TMEM232: variants seen among roughly 807,000 people sequenced by gnomAD.
The protein encoded by TMEM232 is transmembrane protein 232.
Under a neutral mutation model 78.8 loss-of-function variants are expected in TMEM232, and 80 were observed. The observed-to-expected ratio is 1.01, with a 90% CI of 0.85 to 1.22. The LOEUF (loss-of-function observed/expected upper bound fraction) is 1.22. Among genes scored for constraint, TMEM232 ranks in the 50% most tolerant of loss-of-function variants. The pLI is 0.00. For synonymous variants in TMEM232, 297 were observed against 254.3 expected (o/e 1.17, Z -1.60); for missense variants, 881 against 742.2 (o/e 1.19, Z -2.17).
chr5:110,446,867 G>C (rs1759703172), intron 12 of TMEM232, among the ~76,000 whole-genome samples: 1 of 151,810 alleles, frequency 6.6e-6, no homozygotes, highest in African/African-American at 2.4e-5. Context: ...TTTAAATATG[G>C]TTAAGGATCC....
chr5:110,603,581 T>C (rs1194593242), intron 10 of TMEM232, among the ~76,000 whole-genome samples: 1 of 152,194 alleles, frequency 6.6e-6, no homozygotes, highest in Non-Finnish European at 1.5e-5. Flanking sequence ...AAAAATCATG[T>C]ATTGAGCTGC....
intron 12 of TMEM232, among the ~76,000 whole-genome samples, chr5:110,490,240 A>G (rs897118105): frequency 6.6e-6 from 1 of 152,216 alleles, no homozygotes; most frequent in African/African-American, 2.4e-5. Context: ...AATGAACAGT[A>G]TGACAAAGAA....
At chr5:110,727,943 T>A (rs1798317410), upstream of TMEM232, among the ~76,000 whole-genome samples, 1 of 152,186 alleles carries the variant, frequency 6.6e-6, no homozygotes, top group South Asian at 2.1e-4. Flanking sequence ...GAAAAGACTG[T>A]GGTATTTAAT....
intron 11 of TMEM232, among the ~76,000 whole-genome samples, chr5:110,542,269 G>A (rs1443663023): frequency 6.6e-6 from 1 of 152,116 alleles, no homozygotes; most frequent in African/African-American, 2.4e-5. Flanking sequence ...ATAGTTCATT[G>A]CCTTTTCCAG....
Position 110,640,969 on chromosome 5 carries a change from A to T in TMEM232, c.265T>A (p.Ser89Thr), listed in dbSNP as rs1220763424. The T allele has an allele frequency of 8.5e-6, 13 of 1,534,072 alleles. No homozygotes were observed. The highest frequency in any genetic ancestry group is 1.7e-4 in the Middle Eastern group (1 of 5,944). The change falls in exon 4 of 14, where the codon TCT (serine) becomes ACT (threonine). Residue 89 changes from serine to threonine, a missense_variant. Transcript: ENST00000455884. Reference sequence around the variant, plus strand: ...GCAGGAAGATGCACATGCCTTCCAGAGCCCAGGGTTTTGAGACCCAATTTT... The same window carrying T: ...GCAGGAAGATGCACATGCCTTCCAGTGCCCAGGGTTTTGAGACCCAATTTT... Reference protein sequence around the residue: ...KRKLGLKTLGSGRHVHLPAAW... With the variant: ...KRKLGLKTLGTGRHVHLPAAW...
intron 2 of TMEM232, among the ~76,000 whole-genome samples, chr5:110,398,606 C>T (rs1042076775): frequency 2.6e-5 from 4 of 152,040 alleles, no homozygotes; most frequent in Non-Finnish European, 5.9e-5. Context: ...GCTATATGCT[C>T]AATGAGATTG....
chr5:110,718,749 G>T (rs1208683330), intron 1 of TMEM232, among the ~76,000 whole-genome samples: 1 of 151,718 alleles, frequency 6.6e-6, no homozygotes, highest in Non-Finnish European at 1.5e-5. Context: ...GTGCTTAAGG[G>T]TTACCATATT....
At chr5:110,588,407 T>C (rs1350223188) in intron 10 of TMEM232, among the ~76,000 whole-genome samples, 1 of 152,112 alleles carries the variant, frequency 6.6e-6, no homozygotes, top group African/African-American at 2.4e-5. Flanking sequence ...CAGGCAAAGA[T>C]GACAACACAA....
At chr5:110,555,943 C>A (rs1775025004) in intron 11 of TMEM232, among the ~76,000 whole-genome samples, 1 of 152,092 alleles carries the variant, frequency 6.6e-6, no homozygotes, top group African/African-American at 2.4e-5. Flanking sequence ...TCCAACCTGC[C>A]ACTTTGTACT....
intron 7 of TMEM232, among the ~76,000 whole-genome samples, chr5:110,622,640 C>T (rs560257911): frequency 8.4e-4 from 128 of 152,076 alleles, no homozygotes; most frequent in Middle Eastern, 3.4e-3. Context: ...TGAATAATGC[C>T]GCAATAAACA....
chr5:110,395,742 A>T (rs1309846602), intron 3 of TMEM232, among the ~76,000 whole-genome samples: 1 of 152,166 alleles, frequency 6.6e-6, no homozygotes, highest in Non-Finnish European at 1.5e-5. Flanking sequence ...TGAAATCAAG[A>T]ATCCATTTTC....
intron 2 of TMEM232, among the ~76,000 whole-genome samples, chr5:110,657,621 G>A (rs1397993808): frequency 6.6e-6 from 1 of 152,114 alleles, no homozygotes; most frequent in Non-Finnish European, 1.5e-5. Context: ...GGAACTGGGA[G>A]AGGTTGGTCA....
chr5:110,668,870 T>A (rs1345128841), intron 1 of TMEM232, among the ~76,000 whole-genome samples: 1 of 152,100 alleles, frequency 6.6e-6, no homozygotes, highest in Non-Finnish European at 1.5e-5. Flanking sequence ...ACCTGCTCCT[T>A]AATGATTACT....
At chr5:110,515,192 T>C (rs1344001964) in intron 12 of TMEM232, among the ~76,000 whole-genome samples, 2 of 152,232 alleles carry the variant, frequency 1.3e-5, no homozygotes, top group African/African-American at 4.8e-5. Flanking sequence ...GTACTTCACA[T>C]AGTGCCTTGC....
At chr5:110,718,438 G>A (rs1283515819) in intron 1 of TMEM232, among the ~76,000 whole-genome samples, 3 of 152,048 alleles carry the variant, frequency 2.0e-5, no homozygotes, top group African/African-American at 7.2e-5. Flanking sequence ...TATGTGATGA[G>A]TGAGAAGCAT....
chr5:110,673,403 T>A (rs1749749351), intron 1 of TMEM232, among the ~76,000 whole-genome samples: 1 of 151,590 alleles, frequency 6.6e-6, no homozygotes, highest in Non-Finnish European at 1.5e-5. Context: ...TGTATACATA[T>A]GTAACAAACC....
rs376076876 is a variant in TMEM232 at position 110,499,635 on chromosome 5, C to CCCACA, written c.1703+28952_1703+28953insTGTGG. Among the ~76,000 whole-genome samples the CCCACA allele has an allele frequency of 2.3e-3, 330 of 143,582 alleles. 4 individuals are homozygous for CCCACA. Among genetic ancestry groups the CCCACA allele is most frequent in the African/African-American group, 9.0e-3 (317 of 35,110 alleles). The allele number at this position is 143,582 out of a possible 152,430, so 94.2% of individuals were successfully genotyped here. Reference sequence around the variant, plus strand: ...GAAAAATATATGTATACACCCCCCCCCACACACACACATATATATATATAT... The same window carrying CCCACA: ...GAAAAATATATGTATACACCCCCCCCCCACACACACACACACATATATATATATAT... On this transcript the variant is annotated intron_variant, in intron 12 of 13. Transcript: ENST00000455884.
chr5:110,408,709 A>G (rs1389052347), intron 2 of TMEM232, among the ~76,000 whole-genome samples: 1 of 152,174 alleles, frequency 6.6e-6, no homozygotes, highest in African/African-American at 2.4e-5. Flanking sequence ...TAGAAGACCC[A>G]AATAAGTAAC....
intron 8 of TMEM232, among the ~76,000 whole-genome samples, chr5:110,615,956 C>G (rs1782874071): frequency 6.6e-6 from 1 of 151,886 alleles, no homozygotes. Context: ...ATTCCATGTT[C>G]ATGGATAGGA....
Sources: gnomAD v4.1 joint callset for allele counts (sites outside exome capture counted in the v4.1 genomes callset) on GRCh38, gnomAD v4.1.1 for gene constraint, MANE v1.5 for transcripts, NCBI Gene and HGNC (gene_info 2026-07-23, HGNC 2026-07-21) for gene names.